PACS1: variants seen among roughly 807,000 people sequenced by gnomAD.
PACS1 encodes PACS-1.
PACS1 carries 24 observed loss-of-function variants against 115.0 expected under a neutral mutation model. That is an observed-to-expected ratio of 0.21 (90% CI 0.15 to 0.29). The LOEUF (loss-of-function observed/expected upper bound fraction) is 0.29, where lower values mean the gene tolerates loss of function less well. Ranked by LOEUF, PACS1 falls within the 10% of genes least tolerant of loss-of-function variation. PACS1 has a pLI of 1.00. For synonymous variants in PACS1, 453 were observed against 504.5 expected, an observed-to-expected ratio of 0.90 and a Z score of 1.37; for missense variants, 838 against 1,251.2, an observed-to-expected ratio of 0.67 and a Z score of 4.98.
chr11:66,176,547 G>A (rs1859867158), intron 1 of PACS1, among the ~76,000 whole-genome samples: 1 of 151,810 alleles, frequency 6.6e-6, no homozygotes, highest in African/African-American at 2.4e-5. Flanking sequence ...CCGAATAGCT[G>A]GGTTTACAGG....
chr11:66,204,836 T>G (rs896730387), intron 2 of PACS1, among the ~76,000 whole-genome samples: 6 of 152,028 alleles, frequency 3.9e-5, no homozygotes, highest in Non-Finnish European at 8.8e-5. Context: ...TACAAAAACA[T>G]AGAATGAATA....
At chr11:66,084,929 C>G (rs1050044941) in intron 1 of PACS1, among the ~76,000 whole-genome samples, 11 of 152,126 alleles carry the variant, frequency 7.2e-5, no homozygotes, top group African/African-American at 2.6e-4. Context: ...GTTTTAAAAA[C>G]CTGGATGAGT....
chr11:66,225,010 A>G (rs186843420), intron 10 of PACS1, among the ~76,000 whole-genome samples: 1 of 152,322 alleles, frequency 6.6e-6, no homozygotes, highest in East Asian at 1.9e-4. Flanking sequence ...TTGAGCACAC[A>G]ATGGCAACAT....
At chr11:66,183,405 A>C (rs1355412124) in intron 1 of PACS1, among the ~76,000 whole-genome samples, 2 of 152,154 alleles carry the variant, frequency 1.3e-5, no homozygotes, top group Non-Finnish European at 2.9e-5. Context: ...TTTACTCTTT[A>C]TGTGAATAAA....
In PACS1 at chr11:66,238,789, C is replaced by T; in HGVS notation, c.2251-15C>T. On this transcript the variant is annotated splice_polypyrimidine_tract_variant and intron_variant, in intron 19 of 23. Coordinates refer to ENST00000320580, the MANE Select transcript of PACS1 (RefSeq NM_018026.4). ...TAACAGGAGGATCTAATGAGTGCCT[C>T]TTCTCTCCTTGCAGGTGGTGAAGGT... 1 of 1,582,106 alleles carries T rather than the reference C, an allele frequency of 6.3e-7. No homozygotes were observed. The highest frequency in any genetic ancestry group is 8.6e-7 in the Non-Finnish European group (1 of 1,161,706).
At chr11:66,166,454 A>ATTTTTCTAAACTATG (rs1332758971) in intron 1 of PACS1, among the ~76,000 whole-genome samples, 29 of 151,184 alleles carry the variant, frequency 1.9e-4, no homozygotes, top group African/African-American at 6.4e-4. Flanking sequence ...GCCTGATGTC[A>ATTTTTCTAAACTATG]CATCTTACAG....
chr11:66,089,572 T>G (rs1468886196), intron 1 of PACS1, among the ~76,000 whole-genome samples: 1 of 152,194 alleles, frequency 6.6e-6, no homozygotes, highest in African/African-American at 2.4e-5. Context: ...CTCTGTGATT[T>G]GGGGTCTATG....
Position 66,238,655 on chromosome 11 carries a change from C to G in PACS1, c.2251-149C>G, listed in dbSNP as rs894013833. On this transcript the variant is annotated intron_variant, in intron 19 of 23. Coordinates refer to ENST00000320580, the MANE Select transcript of PACS1 (RefSeq NM_018026.4). ...TGCTGGGATTACAGGCATAAGCCAC[C>G]ACGCCCAGCCCAGATTTGCAAAGAT... is the stretch of plus-strand genomic sequence containing the variant. 7 of 744,574 alleles carry G rather than the reference C, an allele frequency of 9.4e-6. No individual in the cohort carries two copies. In the African/African-American group the frequency reaches 1.0e-4, roughly 11 times the overall value. The allele number at this position is 744,574 out of a possible 1,614,324, so 46.1% of individuals were successfully genotyped here. A position where few individuals can be genotyped will look rare whatever the true frequency, so the allele number is the denominator to read the frequency against.
intron 2 of PACS1, among the ~76,000 whole-genome samples, chr11:66,207,090 T>C (rs1243853697): frequency 1.3e-5 from 2 of 152,200 alleles, no homozygotes; most frequent in Non-Finnish European, 2.9e-5. Context: ...AGGCAATCCG[T>C]ACATCATAAC....
At chr11:66,090,398 A>T (rs1270120791) in intron 1 of PACS1, among the ~76,000 whole-genome samples, 1 of 150,706 alleles carries the variant, frequency 6.6e-6, no homozygotes, top group Admixed American at 6.6e-5. Context: ...TCAGCCTCGG[A>T]AGTAGCTGGG....
rs1010687517 is a variant in PACS1 at position 66,223,963 on chromosome 11, C to T, written c.1293+2716C>T. ...CTGTAATCCCAGCACTTTGGGAGGC[C>T]GAGGTGGGTGGACCACTTGAGGTCA... On this transcript the variant is annotated intron_variant, in intron 10 of 23. Transcript: ENST00000320580. 9.2e-5 allele frequency among the ~76,000 whole-genome samples: 14 copies of T among 152,026 alleles called. 1 individual carries two copies.
chr11:66,154,349 G>A (rs1157213413), intron 1 of PACS1, among the ~76,000 whole-genome samples: 3 of 152,120 alleles, frequency 2.0e-5, no homozygotes, highest in African/African-American at 7.2e-5. Context: ...TGAGGCAGGA[G>A]AATTGCTTGA....
At chr11:66,206,221 G>A in intron 2 of PACS1, among the ~76,000 whole-genome samples, 1 of 152,096 alleles carries the variant, frequency 6.6e-6, no homozygotes, top group East Asian at 1.9e-4. Flanking sequence ...AATGTGCTAT[G>A]TTACTTTAGT....
intron 1 of PACS1, among the ~76,000 whole-genome samples, chr11:66,071,128 C>G (rs1857302740): frequency 6.6e-6 from 1 of 152,202 alleles, no homozygotes; most frequent in Non-Finnish European, 1.5e-5. Context: ...ATCCGGCCTT[C>G]CTGGCAGTCA....
chr11:66,192,854 C>A (rs1234200818), intron 1 of PACS1, among the ~76,000 whole-genome samples: 1 of 152,242 alleles, frequency 6.6e-6, no homozygotes, highest in South Asian at 2.1e-4. Flanking sequence ...TTTTGAGTTG[C>A]GGGGAATTTC....
At chr11:66,191,621 G>C (rs1854524142) in intron 1 of PACS1, among the ~76,000 whole-genome samples, 1 of 152,244 alleles carries the variant, frequency 6.6e-6, no homozygotes, top group Admixed American at 6.5e-5. Flanking sequence ...AAATGATATA[G>C]ATGAAGAGAC....
chr11:66,194,506 C>T (rs1009308045), intron 2 of PACS1, among the ~76,000 whole-genome samples: 1 of 152,118 alleles, frequency 6.6e-6, no homozygotes, highest in Admixed American at 6.5e-5. Flanking sequence ...TACCTGTTGC[C>T]AGCTAATTAC....
chr11:66,177,221 G>A (rs1859885461), intron 1 of PACS1, among the ~76,000 whole-genome samples: 1 of 152,150 alleles, frequency 6.6e-6, no homozygotes, highest in Non-Finnish European at 1.5e-5. Flanking sequence ...TAATTTTTGT[G>A]AGAGCATATT....
intron 4 of PACS1, among the ~76,000 whole-genome samples, chr11:66,212,171 C>T (rs1438920280): frequency 1.3e-5 from 2 of 149,232 alleles, no homozygotes; most frequent in Admixed American, 6.7e-5. Context: ...CTTGCTCTGT[C>T]GCCAGGCTGG....
Sources: gnomAD v4.1 joint callset for allele counts (sites outside exome capture counted in the v4.1 genomes callset) on GRCh38, gnomAD v4.1.1 for gene constraint, MANE v1.5 for transcripts, NCBI Gene and HGNC (gene_info 2026-07-23, HGNC 2026-07-21) for gene names.